RARB: variants seen among roughly 807,000 people sequenced by gnomAD.
The protein encoded by RARB is HBV-activated protein.
Under a neutral mutation model 51.9 loss-of-function variants are expected in RARB, and 17 were observed. That is an observed-to-expected ratio of 0.33 (90% CI 0.22 to 0.49). The LOEUF (loss-of-function observed/expected upper bound fraction) is 0.49. Among genes scored for constraint, RARB ranks in the 20% least tolerant of loss-of-function variants. The pLI is 0.99. For synonymous variants in RARB, 215 were observed against 195.4 expected (o/e 1.10, Z -0.84); for missense variants, 369 against 550.8 (o/e 0.67, Z 3.30).
chr3:25,328,243 G>T (rs1459308857), intron 5 of RARB, among the ~76,000 whole-genome samples: 1 of 152,228 alleles, frequency 6.6e-6, no homozygotes, highest in South Asian at 2.1e-4. Context: ...CTCTAGGCCG[G>T]GTGCAGTGGC....
chr3:25,129,893 T>G (rs576860858), intron 3 of RARB, among the ~76,000 whole-genome samples: 37 of 152,214 alleles, frequency 2.4e-4, no homozygotes, highest in Non-Finnish European at 4.9e-4. Context: ...TTTGGCTGAT[T>G]AAAAATTTAT....
At chr3:24,845,901 T>C (rs1390252070) in intron 1 of RARB, among the ~76,000 whole-genome samples, 4 of 152,248 alleles carry the variant, frequency 2.6e-5, no homozygotes, top group African/African-American at 9.6e-5. Flanking sequence ...ACCATCCCTT[T>C]GATCACTGTC....
rs144217733 is a variant in RARB at position 25,227,534 on chromosome 3, T to C, written c.178+52959T>C. 7.6e-3 allele frequency among the ~76,000 whole-genome samples: 1,150 copies of C among 152,272 alleles called. 12 individuals are homozygous for C. Among genetic ancestry groups the C allele is most frequent in the Non-Finnish European group, 0.01 (707 of 67,994 alleles). ...ATATTCTCTATATTGGTACATAAAA[T>C]TCCTCTAGAAAGTAATTGTTGACAG... On this transcript the variant is annotated intron_variant, in intron 5 of 11. Coordinates refer to the RARB transcript ENST00000383772.
intron 3 of RARB, among the ~76,000 whole-genome samples, chr3:25,085,660 G>T (rs1699091899): frequency 1.3e-5 from 2 of 151,930 alleles, no homozygotes; most frequent in African/African-American, 2.4e-5. Context: ...AGATTTTTTA[G>T]TCTTGTTCAG....
chr3:24,934,929 T>C (rs981506247), intron 2 of RARB, among the ~76,000 whole-genome samples: 3 of 152,154 alleles, frequency 2.0e-5, no homozygotes, highest in Non-Finnish European at 4.4e-5. Context: ...CAAATTACCA[T>C]GGGGATGTGA....
chr3:25,089,204 G>A (rs1699153836), intron 3 of RARB, among the ~76,000 whole-genome samples: 1 of 151,232 alleles, frequency 6.6e-6, no homozygotes, highest in Non-Finnish European at 1.5e-5. Context: ...GTTTATTTTG[G>A]TTTTCCTCCA....
chr3:24,850,027 C>A (rs1412275156), intron 1 of RARB, among the ~76,000 whole-genome samples: 1 of 152,140 alleles, frequency 6.6e-6, no homozygotes, highest in Non-Finnish European at 1.5e-5. Flanking sequence ...AGTTCAAGAC[C>A]AAGATGATTG....
Position 25,571,463 on chromosome 3 carries a change from G to A in RARB, c.609+1545G>A, listed in dbSNP as rs556031660. ...CCACCTCGCCCATTGGTGTCAGCCA[G>A]GAGAAACACTGGCATGTCTGCCAGG... On this transcript the variant is annotated intron_variant, in intron 4 of 7. Transcript: ENST00000330688. 4.6e-5 allele frequency among the ~76,000 whole-genome samples: 7 copies of A among 152,352 alleles called. No individual in the cohort carries two copies. The South Asian group carries it at 1.4e-3, about 32-fold the overall frequency.
chr3:25,190,071 A>C (rs532123825), intron 5 of RARB, among the ~76,000 whole-genome samples: 13 of 152,060 alleles, frequency 8.5e-5, no homozygotes, highest in Non-Finnish European at 1.9e-4. Flanking sequence ...GTTTGGGTCA[A>C]TTTATCGATT....
chr3:25,365,333 A>C (rs893482975), intron 5 of RARB, among the ~76,000 whole-genome samples: 1 of 149,826 alleles, frequency 6.7e-6, no homozygotes, highest in Non-Finnish European at 1.5e-5. Flanking sequence ...ATTGGACTCA[A>C]ATTCCTGGGC....
At chr3:25,095,632 G>A (rs1699279957) in intron 3 of RARB, among the ~76,000 whole-genome samples, 1 of 152,126 alleles carries the variant, frequency 6.6e-6, no homozygotes, top group African/African-American at 2.4e-5. Context: ...GATTTGTATT[G>A]AAAGATGGAT....
intron 1 of RARB, among the ~76,000 whole-genome samples, chr3:24,838,431 C>T (rs1420948987): frequency 1.3e-5 from 2 of 152,078 alleles, no homozygotes; most frequent in East Asian, 3.9e-4. Flanking sequence ...CTTACCAGGG[C>T]CCATGAAGTC....
intron 2 of RARB, among the ~76,000 whole-genome samples, chr3:24,950,463 T>A (rs1220754614): frequency 6.6e-6 from 1 of 152,224 alleles, no homozygotes; most frequent in Admixed American, 6.5e-5. Context: ...TTTTTTACAC[T>A]TTAATATATC....
chr3:25,580,138 G>C (rs1321885721), intron 4 of RARB, among the ~76,000 whole-genome samples: 1 of 152,240 alleles, frequency 6.6e-6, no homozygotes, highest in Non-Finnish European at 1.5e-5. Flanking sequence ...ACTTTGGGAG[G>C]CCGAGGCGGG....
intron 2 of RARB, among the ~76,000 whole-genome samples, chr3:25,496,313 C>T (rs1697030380): frequency 6.6e-6 from 1 of 152,162 alleles, no homozygotes; most frequent in African/African-American, 2.4e-5. Flanking sequence ...CCAGTTTTTG[C>T]CTGACCGTTG....
intron 5 of RARB, among the ~76,000 whole-genome samples, chr3:25,352,707 G>A (rs1705612495): frequency 6.6e-6 from 1 of 152,168 alleles, no homozygotes; most frequent in African/African-American, 2.4e-5. Context: ...GCTCTGAACA[G>A]AGCTCAACTC....
At chr3:25,569,639 C>T in intron 3 of RARB, 119 bp from the exon 4 acceptor site, 1 of 1,209,998 alleles carries the variant, frequency 8.3e-7, no homozygotes, top group Non-Finnish European at 1.2e-6. Context: ...CCTCTTCCCA[C>T]TGTTTCTGTC....
intron 5 of RARB, among the ~76,000 whole-genome samples, chr3:25,250,232 C>T (rs1039220788): frequency 2.0e-5 from 3 of 152,096 alleles, no homozygotes; most frequent in African/African-American, 7.2e-5. Flanking sequence ...GTGGATGGGG[C>T]AGGGTGATCC....
At chr3:25,057,490 A>G (rs1446586326) in intron 2 of RARB, among the ~76,000 whole-genome samples, 1 of 152,066 alleles carries the variant, frequency 6.6e-6, no homozygotes, top group African/African-American at 2.4e-5. Context: ...AGATAGAAAA[A>G]TAAAGCTTCA....
Sources: allele counts gnomAD v4.1 joint callset (sites outside exome capture counted in the v4.1 genomes callset), GRCh38; gene constraint gnomAD v4.1.1; transcripts MANE v1.5; gene names NCBI Gene and HGNC (gene_info 2026-07-23, HGNC 2026-07-21).